The following SGCZ variants were observed in gnomAD, a reference collection of about 807,000 sequenced individuals.
SGCZ encodes the protein sarcoglycan zeta.
SGCZ carries 40 observed loss-of-function variants against 41.3 expected under a neutral mutation model. The observed-to-expected ratio is 0.97, with a 90% CI of 0.75 to 1.26. The LOEUF (loss-of-function observed/expected upper bound fraction) is 1.26. SGCZ is among the 50% of genes most tolerant of loss of function. SGCZ has a pLI of 0.00. For synonymous variants in SGCZ, 206 were observed against 137.5 expected (o/e 1.50, Z -3.49); for missense variants, 552 against 369.8 (o/e 1.49, Z -4.04).
chr8:14,693,277 A>C (rs925931309), intron 1 of SGCZ, among the ~76,000 whole-genome samples: 1 of 145,854 alleles, frequency 6.9e-6, no homozygotes, highest in African/African-American at 2.6e-5. Flanking sequence ...CATTTCAAAA[A>C]AGATTAATTG....
At chr8:14,434,648 A>T (rs1490539027) in intron 2 of SGCZ, among the ~76,000 whole-genome samples, 1 of 152,198 alleles carries the variant, frequency 6.6e-6, no homozygotes, top group African/African-American at 2.4e-5. Flanking sequence ...GTCTTTCAGC[A>T]GTGTTTTGTA....
intron 1 of SGCZ, among the ~76,000 whole-genome samples, chr8:14,599,566 T>C (rs1189965236): frequency 1.3e-5 from 2 of 152,206 alleles, no homozygotes; most frequent in African/African-American, 2.4e-5. Flanking sequence ...CTCTAATATC[T>C]AGCCCCTTCT....
rs7007587 is a variant in SGCZ at position 14,142,042 on chromosome 8, T to G, written c.547+22538A>C. Among the ~76,000 whole-genome samples, 757 of 152,232 alleles carry G rather than the reference T, an allele frequency of 5.0e-3. 8 individuals carry two copies. Among genetic ancestry groups the G allele is most frequent in the African/African-American group, 0.018 (734 of 41,542 alleles). ...GGCACATGGATGAAGCTGGAAACCA[T>G]CATACTGAGCAAACTATCGCAAGGA... On this transcript the variant is annotated intron_variant, in intron 5 of 7. Transcript: ENST00000382080.
chr8:14,638,934 A>T (rs1806925312), intron 1 of SGCZ, among the ~76,000 whole-genome samples: 1 of 151,800 alleles, frequency 6.6e-6, no homozygotes, highest in Admixed American at 6.6e-5. Context: ...ATATGTAAAC[A>T]TTTCAAAATT....
rs1027156288 is a variant in SGCZ at position 14,499,983 on chromosome 8, C to A, written c.234+54749G>T. On this transcript the variant is annotated intron_variant, in intron 2 of 7. Transcript: ENST00000382080. ...CCACCTACTGTCTTACAAAAAAAAA[C>A]TTTAAAAAATGAAGGGACATTTAAA... Among the ~76,000 whole-genome samples the A allele has an allele frequency of 2.6e-5, 4 of 151,964 alleles. No homozygotes were observed. The East Asian group carries it at 7.7e-4, about 29-fold the overall frequency.
chr8:14,543,460 C>T (rs1023371012), intron 2 of SGCZ, among the ~76,000 whole-genome samples: 2 of 152,036 alleles, frequency 1.3e-5, no homozygotes, highest in African/African-American at 4.8e-5. Flanking sequence ...TCTAGACAGC[C>T]TCCATCATTA....
At chr8:14,658,502 G>A (rs971593505) in intron 1 of SGCZ, among the ~76,000 whole-genome samples, 1 of 151,918 alleles carries the variant, frequency 6.6e-6, no homozygotes, top group Admixed American at 6.6e-5. Flanking sequence ...CAGCCTCCAA[G>A]CCTTTGCAGT....
intron 2 of SGCZ, among the ~76,000 whole-genome samples, chr8:14,374,339 T>C (rs1371211548): frequency 6.6e-6 from 1 of 152,098 alleles, no homozygotes; most frequent in African/African-American, 2.4e-5. Flanking sequence ...AGAGACCCTG[T>C]CTCAAAAAGA....
At chr8:14,911,468 T>C (rs563032596) in intron 1 of SGCZ, among the ~76,000 whole-genome samples, 1 of 152,096 alleles carries the variant, frequency 6.6e-6, no homozygotes, top group African/African-American at 2.4e-5. Context: ...AAGAAAAAAA[T>C]ATATAGCTTC....
At chr8:15,128,023 T>C (rs1807767486) in intron 1 of SGCZ, among the ~76,000 whole-genome samples, 1 of 152,170 alleles carries the variant, frequency 6.6e-6, no homozygotes, top group African/African-American at 2.4e-5. Flanking sequence ...AGGTTCATGA[T>C]GTACTATGCT....
chr8:14,421,803 A>G (rs754211872), intron 2 of SGCZ, among the ~76,000 whole-genome samples: 32 of 152,316 alleles, frequency 2.1e-4, no homozygotes, highest in Middle Eastern at 3.4e-3. Context: ...GGAGTCAATA[A>G]AATATATACT....
intron 1 of SGCZ, among the ~76,000 whole-genome samples, chr8:14,893,924 G>C (rs1480342843): frequency 1.3e-5 from 2 of 152,094 alleles, no homozygotes; most frequent in African/African-American, 4.8e-5. Flanking sequence ...TATTATTAGA[G>C]CATATGACAG....
chr8:14,434,592 C>T lies in SGCZ; in HGVS notation c.235-110388G>A, dbSNP rs191823655. On this transcript the variant is annotated intron_variant, in intron 2 of 7. Transcript: ENST00000382080. ...ATTTTCACAATATTGATTCTACCCA[C>T]CCATGAGAATAGGATGTGTTTCAAT... Among the ~76,000 whole-genome samples, 4 of 152,218 alleles carry T rather than the reference C, an allele frequency of 2.6e-5. No homozygotes were observed. In the East Asian group the frequency reaches 7.7e-4, roughly 29 times the overall value.
chr8:14,317,172 G>T (rs948159149), intron 3 of SGCZ, among the ~76,000 whole-genome samples: 1 of 151,978 alleles, frequency 6.6e-6, no homozygotes. Context: ...AACATTTAGC[G>T]CAATGTTTGG....
intron 1 of SGCZ, among the ~76,000 whole-genome samples, chr8:14,954,405 C>T (rs181810152): frequency 2.0e-5 from 3 of 152,250 alleles, no homozygotes; most frequent in East Asian, 3.9e-4. Flanking sequence ...TCAATGATTT[C>T]CTGCCACTGG....
At chr8:14,535,225 T>C (rs1803257149) in intron 2 of SGCZ, among the ~76,000 whole-genome samples, 1 of 151,964 alleles carries the variant, frequency 6.6e-6, no homozygotes, top group East Asian at 1.9e-4. Context: ...TCAAATGTTC[T>C]GTGTTTTGAA....
intron 1 of SGCZ, among the ~76,000 whole-genome samples, chr8:14,742,978 T>A (rs546101439): frequency 3.9e-4 from 60 of 152,144 alleles, no homozygotes; most frequent in Non-Finnish European, 5.6e-4. Flanking sequence ...ACAATGTTTG[T>A]ACCATGAGCA....
At chr8:14,205,137 A>G (rs1281956384) in intron 4 of SGCZ, among the ~76,000 whole-genome samples, 1 of 151,140 alleles carries the variant, frequency 6.6e-6, no homozygotes, top group East Asian at 2.0e-4. Context: ...TCAGCCTTTA[A>G]TCGACTACAC....
chr8:14,117,881 A>G (rs751289076), intron 5 of SGCZ, among the ~76,000 whole-genome samples: 4 of 118,298 alleles, frequency 3.4e-5, no homozygotes, highest in Non-Finnish European at 7.1e-5. Context: ...GATGTTATCT[A>G]GCTTCATCCA....
Sources: gnomAD v4.1 joint callset for allele counts (sites outside exome capture counted in the v4.1 genomes callset) on GRCh38, gnomAD v4.1.1 for gene constraint, MANE v1.5 for transcripts, NCBI Gene and HGNC (gene_info 2026-07-23, HGNC 2026-07-21) for gene names.